JCAD: variants seen among roughly 807,000 people sequenced by gnomAD.
The protein encoded by JCAD is junctional cadherin 5 associated.
Under a neutral mutation model 98.0 loss-of-function variants are expected in JCAD, and 40 were observed. That is an observed-to-expected ratio of 0.41 (90% CI 0.32 to 0.53). The LOEUF (loss-of-function observed/expected upper bound fraction) is 0.53. Among genes scored for constraint, JCAD ranks in the 20% least tolerant of loss-of-function variants. JCAD has a pLI of 0.31. For missense variants in JCAD, 1,705 were observed against 1,738.1 expected (o/e 0.98, Z 0.34); for synonymous variants, 691 against 682.3 (o/e 1.01, Z -0.20).
chr10:30,054,501 C>T (rs1370153010), intron 1 of JCAD, among the ~76,000 whole-genome samples: 1 of 151,612 alleles, frequency 6.6e-6, no homozygotes, highest in East Asian at 1.9e-4. Flanking sequence ...ATAATATCCA[C>T]ATTCTTATTA....
intron 1 of JCAD, among the ~76,000 whole-genome samples, chr10:30,088,887 C>T (rs1442084381): frequency 6.6e-6 from 1 of 152,144 alleles, no homozygotes; most frequent in Non-Finnish European, 1.5e-5. Flanking sequence ...GCAGGAGAAT[C>T]TCTTGAACCC....
intron 2 of JCAD, among the ~76,000 whole-genome samples, chr10:30,046,662 G>C (rs779535753): frequency 2.0e-5 from 3 of 152,168 alleles, no homozygotes; most frequent in Non-Finnish European, 2.9e-5. Flanking sequence ...GATTACAAGG[G>C]AACCAAGAAG....
intron 1 of JCAD, among the ~76,000 whole-genome samples, chr10:30,070,663 C>G (rs1341486031): frequency 6.6e-6 from 1 of 152,148 alleles, no homozygotes; most frequent in East Asian, 1.9e-4. Flanking sequence ...GCATTAAATC[C>G]ACCCCAACTT....
At chr10:30,093,826 G>A (rs1178019869) in intron 1 of JCAD, among the ~76,000 whole-genome samples, 2 of 152,192 alleles carry the variant, frequency 1.3e-5, no homozygotes, top group Non-Finnish European at 1.5e-5. Context: ...GTAAGTATTT[G>A]CAGATCCAAG....
At chr10:30,051,498 A>G (rs1837471269) in intron 1 of JCAD, among the ~76,000 whole-genome samples, 1 of 152,220 alleles carries the variant, frequency 6.6e-6, no homozygotes, top group East Asian at 1.9e-4. Flanking sequence ...CTGCTGTATG[A>G]AACTGAAATG....
intron 1 of JCAD, among the ~76,000 whole-genome samples, chr10:30,111,696 A>G (rs1838705444): frequency 6.6e-6 from 1 of 152,250 alleles, no homozygotes; most frequent in South Asian, 2.1e-4. Flanking sequence ...AATGGCCAAC[A>G]AACAAATAAA....
chr10:30,024,688 ATTTTTTTTTTTT>A (rs35394945), intron 3 of JCAD, among the ~76,000 whole-genome samples: 7 of 100,664 alleles, frequency 7.0e-5, no homozygotes, highest in Non-Finnish European at 1.3e-4. Context: ...GCCCATGTAC[ATTTTTTTTTTTT>A]TTTTTTTTTT....
At chr10:30,076,781 A>G (rs1452220411) in intron 1 of JCAD, among the ~76,000 whole-genome samples, 4 of 152,224 alleles carry the variant, frequency 2.6e-5, no homozygotes, top group Admixed American at 2.6e-4. Flanking sequence ...TACCTTCAAC[A>G]TCATAGGAAT....
upstream of JCAD, among the ~76,000 whole-genome samples, chr10:30,063,663 G>T (rs954899068): frequency 1.3e-5 from 2 of 152,146 alleles, no homozygotes; most frequent in Non-Finnish European, 2.9e-5. Context: ...TATTTATGGG[G>T]TACAGTGTGA....
At chr10:30,038,031 G>C (rs1339244356) in intron 2 of JCAD, among the ~76,000 whole-genome samples, 1 of 151,728 alleles carries the variant, frequency 6.6e-6, no homozygotes, top group Admixed American at 6.6e-5. Context: ...CTGACGGCTA[G>C]AAATGGACAC....
At chr10:30,056,999 C>T (rs1837583928) in intron 1 of JCAD, among the ~76,000 whole-genome samples, 1 of 152,134 alleles carries the variant, frequency 6.6e-6, no homozygotes, top group Non-Finnish European at 1.5e-5. Flanking sequence ...GAGAGATAAC[C>T]CTTCTCATCC....
chr10:30,056,928 C>G (rs1046370903), intron 1 of JCAD, among the ~76,000 whole-genome samples: 14 of 152,152 alleles, frequency 9.2e-5, no homozygotes, highest in African/African-American at 3.4e-4. Flanking sequence ...AGTCAGTGGA[C>G]CTCAACATTC....
chr10:30,027,263 C>T lies in JCAD; in HGVS notation c.2885G>A (p.Ser962Asn), dbSNP rs772809298. The T allele has an allele frequency of 1.9e-6, 3 of 1,614,108 alleles. No individual in the cohort carries two copies. Among genetic ancestry groups the T allele is most frequent in the Admixed American group, 1.7e-5 (1 of 60,016 alleles). The change falls in exon 3 of 4, where the codon AGC (serine) becomes AAC (asparagine). Residue 962 changes from serine to asparagine, a missense_variant. By Grantham distance (46) the Ser-to-Asn change is conservative (BLOSUM62 1). This residue lies in a region of JCAD where 1,278 missense variants were observed against 1,243.1 expected (regional missense o/e 1.03). Coordinates refer to ENST00000375377, the MANE Select transcript of JCAD (RefSeq NM_020848.4). ...TSAEKRHLEV[S>N]NGMDELAGSP... is the part of the protein sequence containing the mutation. Reference sequence around the variant, plus strand: ...ACCTGCCAGCTCGTCCATTCCGTTGCTAACCTCCAGGTGTCTCTTCTCTGC... The same window carrying T: ...ACCTGCCAGCTCGTCCATTCCGTTGTTAACCTCCAGGTGTCTCTTCTCTGC...
intron 2 of JCAD, among the ~76,000 whole-genome samples, chr10:30,067,776 G>A (rs749541683): frequency 6.6e-5 from 10 of 152,288 alleles, no homozygotes; most frequent in Non-Finnish European, 1.3e-4. Context: ...ATGAGAATAC[G>A]TTCTGAGAAT....
chr10:30,081,506 A>T (rs1051690061), intron 1 of JCAD, among the ~76,000 whole-genome samples: 4 of 152,168 alleles, frequency 2.6e-5, no homozygotes, highest in Non-Finnish European at 4.4e-5. Flanking sequence ...ATCTATGCTC[A>T]CTGCAATCTC....
At chr10:30,044,799 C>T (rs181224916) in intron 2 of JCAD, 4 of 983,032 alleles carry the variant, frequency 4.1e-6, no homozygotes, top group Admixed American at 1.2e-4. Flanking sequence ...TGTTTCCCTC[C>T]AATTTTCAGT....
rs1178874637 is a variant in JCAD at position 30,065,499 on chromosome 10, A to G, written n.250+4201T>C. On this transcript the variant is annotated intron_variant and non_coding_transcript_variant, in intron 2 of 2. Transcript: ENST00000465712. Reference sequence around the variant, plus strand: ...TGCTTTATATTAATTCACAGACTATATCGCATAATTTTTTTTTTTTGACAT... The same window carrying G: ...TGCTTTATATTAATTCACAGACTATGTCGCATAATTTTTTTTTTTTGACAT... Among the ~76,000 whole-genome samples, 3 of 151,596 alleles carry G rather than the reference A, an allele frequency of 2.0e-5. No homozygotes were observed. The East Asian group carries it at 5.8e-4, about 29-fold the overall frequency.
upstream of JCAD, among the ~76,000 whole-genome samples, chr10:30,063,174 T>C (rs1201686815): frequency 6.6e-6 from 1 of 150,720 alleles, no homozygotes; most frequent in Non-Finnish European, 1.5e-5. Context: ...AACTCGCTTA[T>C]GTGATGTAAA....
chr10:30,090,031 T>G (rs1460420026), intron 1 of JCAD, among the ~76,000 whole-genome samples: 1 of 152,228 alleles, frequency 6.6e-6, no homozygotes, highest in Admixed American at 6.5e-5. Flanking sequence ...CTTCTCAACC[T>G]GATGGGTGCT....
Sources: gnomAD v4.1 joint callset for allele counts (sites outside exome capture counted in the v4.1 genomes callset) on GRCh38, gnomAD v4.1.1 for gene constraint, gnomAD v4.1.1 regional missense constraint, MANE v1.5 for transcripts, NCBI Gene and HGNC (gene_info 2026-07-23, HGNC 2026-07-21) for gene names.